ROCK2: variants seen among roughly 807,000 people sequenced by gnomAD.
ROCK2 encodes Rho associated coiled-coil containing protein kinase 2.
Under a neutral mutation model 195.1 loss-of-function variants are expected in ROCK2, and 61 were observed. The observed-to-expected ratio is 0.31, with a 90% CI of 0.25 to 0.39. ROCK2 has a LOEUF of 0.39. Ranked by LOEUF, ROCK2 falls within the 10% of genes least tolerant of loss-of-function variation. The pLI, the probability that ROCK2 is intolerant of heterozygous loss-of-function variation, is 1.00. For missense variants in ROCK2, 1,109 were observed against 1,637.4 expected, an observed-to-expected ratio of 0.68 and a Z score of 5.57; for synonymous variants, 504 against 545.5, an observed-to-expected ratio of 0.92 and a Z score of 1.06.
At chr2:11,228,934 G>A (rs568144840) in intron 5 of ROCK2, among the ~76,000 whole-genome samples, 7 of 151,974 alleles carry the variant, frequency 4.6e-5, no homozygotes, top group Non-Finnish European at 7.4e-5. Context: ...GGTATGACAG[G>A]TTAGATAGAA....
intron 1 of ROCK2, among the ~76,000 whole-genome samples, chr2:11,303,807 C>CTG (rs1332351094): frequency 1.3e-5 from 2 of 152,166 alleles, no homozygotes; most frequent in Non-Finnish European, 2.9e-5. Context: ...TCTTTTCAAG[C>CTG]TTATCAGTGA....
At chr2:11,256,004 T>G (rs1433117206) in intron 3 of ROCK2, among the ~76,000 whole-genome samples, 1 of 87,136 alleles carries the variant, frequency 1.1e-5, no homozygotes, top group Non-Finnish European at 2.4e-5. Flanking sequence ...ATCTGAAAAA[T>G]AAAGACAAAA....
intron 3 of ROCK2, among the ~76,000 whole-genome samples, chr2:11,257,469 C>T (rs1227200066): frequency 6.6e-6 from 1 of 151,538 alleles, no homozygotes; most frequent in Admixed American, 6.5e-5. Context: ...TGTTTTACAA[C>T]AGCCAGTGCA....
rs145264200 is a variant in ROCK2, at chr2:11,311,571, A to T, written c.142-23835T>A. 1.2e-3 allele frequency among the ~76,000 whole-genome samples: 177 copies of T among 152,344 alleles called. 2 individuals carry two copies. Among genetic ancestry groups the T allele is most frequent in the East Asian group, 7.9e-3 (41 of 5,188 alleles). Reference sequence around the variant, plus strand: ...AAAGATTAAAAATCTGCCTCAAATCAGTTCAATTACTGAATAGATTAAGGT... The same window carrying T: ...AAAGATTAAAAATCTGCCTCAAATCTGTTCAATTACTGAATAGATTAAGGT... On this transcript the variant is annotated intron_variant, in intron 1 of 32. Transcript: ENST00000315872.
At chr2:11,343,868 G>T in intron 1 of ROCK2, 128 bp downstream of exon 1, 1 of 1,215,464 alleles carries the variant, frequency 8.2e-7, no homozygotes, top group Non-Finnish European at 1.1e-6. Context: ...GGCCCCGGCT[G>T]CCGGAAGCAG....
At chr2:11,215,742 A>C in intron 13 of ROCK2, 97 bp from the exon 14 acceptor site, 1 of 1,039,796 alleles carries the variant, frequency 9.6e-7, no homozygotes, top group Non-Finnish European at 1.3e-6. Context: ...AAAAGATCTC[A>C]AAAAGGCTTT....
At position 11,198,635 on chromosome 2, in the gene ROCK2, T is replaced by TA. The variant is rs1174584431; in HGVS notation, c.3004+45dup. On this transcript the variant is annotated intron_variant, in intron 24 of 32. Transcript: ENST00000315872. ...TTACATTGGTAATTACAGCAGCTGA[T>TA]AAACATTAGGTATATTAAAAATAAA... 7 of 1,574,684 alleles carry TA rather than the reference T, an allele frequency of 4.4e-6. No homozygotes were observed. In the South Asian group the frequency reaches 7.8e-5, roughly 18 times the overall value.
chr2:11,325,477 A>G (rs1001492583), intron 1 of ROCK2, among the ~76,000 whole-genome samples: 5 of 152,222 alleles, frequency 3.3e-5, no homozygotes, highest in Non-Finnish European at 7.3e-5. Context: ...TATTTTAAGC[A>G]GAGGGATCTA....
chr2:11,321,079 T>C (rs1668384891), intron 1 of ROCK2, among the ~76,000 whole-genome samples: 1 of 152,342 alleles, frequency 6.6e-6, no homozygotes, highest in Admixed American at 6.5e-5. Context: ...CTTGAGGTAC[T>C]GTACTCAAAA....
intron 11 of ROCK2, among the ~76,000 whole-genome samples, chr2:11,217,618 CTTCTTTTATATCTTCCTA>C (rs1168709506): frequency 6.6e-6 from 1 of 152,116 alleles, no homozygotes; most frequent in Non-Finnish European, 1.5e-5. Flanking sequence ...AATATAAGCT[CTTCTTTTATATCTTCCTA>C]TGTAGTGCTG....
chr2:11,219,199 A>C (rs1365343341), intron 9 of ROCK2, among the ~76,000 whole-genome samples, 173 bp from the exon 10 acceptor site: 1 of 151,952 alleles, frequency 6.6e-6, no homozygotes, highest in Non-Finnish European at 1.5e-5. Flanking sequence ...TATCATTTTC[A>C]ATAATTTAAA....
At chr2:11,317,952 T>G (rs1249180537) in intron 1 of ROCK2, among the ~76,000 whole-genome samples, 1 of 152,112 alleles carries the variant, frequency 6.6e-6, no homozygotes, top group Admixed American at 6.5e-5. Context: ...AACTCATCCT[T>G]TCTTATGGCT....
chr2:11,197,231 A>T lies in ROCK2; in HGVS notation c.3397T>A (p.Ser1133Thr). The T allele has an allele frequency of 6.2e-7, 1 of 1,613,966 alleles. No individual in the cohort carries two copies. The highest frequency in any genetic ancestry group is 8.5e-7 in the Non-Finnish European group (1 of 1,179,892). Residue 1133 changes from serine (S) to threonine (T), a missense_variant, in exon 27 of 33, where the codon TCC becomes ACC. This residue lies in a region of ROCK2 where 221 missense variants were observed against 355.1 expected (regional missense o/e 0.62). Transcript: ENST00000315872. The surrounding 1 kb of genome is among the most constrained non-coding windows in gnomAD (Gnocchi z 4.9). The part of the protein sequence containing the change: ...LQALHIGLDS[S>T]SIGSGPGDAE... ...TCCCCTGGTCCACTGCCTATACTGGAACTATCCAGACCAATATGCAAGGCT... is the reference window on the plus strand; with the variant it reads ...TCCCCTGGTCCACTGCCTATACTGGTACTATCCAGACCAATATGCAAGGCT...
chr2:11,283,422 G>A (rs1258126551), intron 3 of ROCK2, among the ~76,000 whole-genome samples: 58 of 149,654 alleles, frequency 3.9e-4, no homozygotes, highest in Non-Finnish European at 6.5e-4. Flanking sequence ...TTAGCCGGGC[G>A]CGGTGGCGGG....
intron 1 of ROCK2, among the ~76,000 whole-genome samples, chr2:11,331,421 T>C (rs1299950892): frequency 6.6e-6 from 1 of 152,208 alleles, no homozygotes; most frequent in Non-Finnish European, 1.5e-5. Flanking sequence ...CTATCCTCTA[T>C]ATGAACCAAG....
At chr2:11,184,597 G>A in intron 32 of ROCK2, 2 of 979,584 alleles carry the variant, frequency 2.0e-6, no homozygotes, top group Non-Finnish European at 2.4e-6. Flanking sequence ...AATAATGAAA[G>A]CCCAAGTGGC....
chr2:11,285,428 T>G (rs1278136412), intron 3 of ROCK2, among the ~76,000 whole-genome samples: 1 of 152,154 alleles, frequency 6.6e-6, no homozygotes, highest in African/African-American at 2.4e-5. Context: ...CTGTGCCATT[T>G]CATCATATTA....
In ROCK2 at chr2:11,307,827, T is replaced by C. The variant is rs371991313; in HGVS notation, c.142-20091A>G. ...ACTGAACATACACAGACTTTTTTCC[T>C]TGTCATTAGTCCCTAAACAATACAA... On this transcript the variant is annotated intron_variant, in intron 1 of 32. Coordinates refer to ENST00000315872, the MANE Select transcript of ROCK2 (RefSeq NM_004850.5). 9.8e-5 allele frequency among the ~76,000 whole-genome samples: 15 copies of C among 152,334 alleles called. No individual in the cohort carries two copies. In the South Asian group the frequency reaches 2.5e-3, roughly 25 times the overall value.
intron 1 of ROCK2, among the ~76,000 whole-genome samples, chr2:11,343,059 C>T (rs1669155315): frequency 6.6e-6 from 1 of 152,162 alleles, no homozygotes; most frequent in Admixed American, 6.5e-5. Flanking sequence ...ATCTAAGGAC[C>T]TCCCACCCTA....
Sources: gnomAD v4.1 joint callset for allele counts (sites outside exome capture counted in the v4.1 genomes callset) on GRCh38, gnomAD v4.1.1 for gene constraint, gnomAD v4.1.1 regional missense constraint, Gnocchi (gnomAD v3.1) non-coding constraint, MANE v1.5 for transcripts, NCBI Gene and HGNC (gene_info 2026-07-23, HGNC 2026-07-21) for gene names.